CNNM2: variants seen among roughly 807,000 people sequenced by gnomAD.
CNNM2 encodes metal transporter CNNM2.
Under a neutral mutation model 66.9 loss-of-function variants are expected in CNNM2, and 12 were observed. The ratio of observed to expected loss-of-function variants is 0.18; its 90% CI spans 0.11 to 0.29. The LOEUF (loss-of-function observed/expected upper bound fraction) is 0.29, where lower values mean the gene tolerates loss of function less well. Among genes scored for constraint, CNNM2 ranks in the 10% least tolerant of loss-of-function variants. CNNM2 has a pLI of 1.00. For synonymous variants in CNNM2, 557 were observed against 501.8 expected, an observed-to-expected ratio of 1.11 and a Z score of -1.47; for missense variants, 705 against 1,167.7, an observed-to-expected ratio of 0.60 and a Z score of 5.77.
At position 103,061,118 on chromosome 10, in the gene CNNM2, C is replaced by T. The variant is rs573075693; in HGVS notation, c.2073+4154C>T. Among the ~76,000 whole-genome samples, 6 of 152,076 alleles carry T rather than the reference C, an allele frequency of 3.9e-5. No homozygotes were observed. In the South Asian group the frequency reaches 6.2e-4, roughly 16 times the overall value. On this transcript the variant is annotated intron_variant, in intron 4 of 7. Transcript: ENST00000369878. ...AATAAAGATTGTTATATAAACTGGC[C>T]GGGCGTGGTGGCTTGCACCTGTCCA...
intron 1 of CNNM2, among the ~76,000 whole-genome samples, chr10:103,008,778 C>A (rs868406213): frequency 0.018 from 1,913 of 105,576 alleles, no homozygotes; most frequent in South Asian, 0.029. Context: ...GACCCTGTCT[C>A]AAAAAAAAAA....
At chr10:103,044,448 CAGG>C (rs1317908359) in intron 1 of CNNM2, among the ~76,000 whole-genome samples, 1 of 151,816 alleles carries the variant, frequency 6.6e-6, no homozygotes, top group Non-Finnish European at 1.5e-5. Context: ...CCTAGCTGCT[CAGG>C]AGGCTGAGGT....
chr10:102,924,086 C>T (rs1180232333), intron 1 of CNNM2, among the ~76,000 whole-genome samples: 4 of 152,094 alleles, frequency 2.6e-5, no homozygotes, highest in African/African-American at 4.8e-5. Flanking sequence ...TAGTTACTTA[C>T]AAGTCTAAAT....
rs754002718 is a variant in CNNM2 at position 102,919,137 on chromosome 10, G to C, written c.657G>C (p.Gly219=). The change falls in exon 1 of 8, where the codon GGG becomes GGC. Residue 219 remains glycine (G), a synonymous_variant. Transcript: ENST00000369878. ...GGAVGGKGGS[G]VAGLPPPPWA... ...CCGTCGGGGGCAAGGGTGGCTCGGG[G>C]GTGGCCGGGCTCCCGCCGCCCCCGT... is the stretch of plus-strand genomic sequence containing the variant. 1.2e-6 allele frequency: 2 copies of C among 1,609,982 alleles called. No homozygotes were observed. The highest frequency in any genetic ancestry group is 1.3e-5 in the African/African-American group (1 of 75,032).
chr10:102,987,407 G>A (rs1357297632), intron 1 of CNNM2, among the ~76,000 whole-genome samples: 1 of 151,958 alleles, frequency 6.6e-6, no homozygotes, highest in African/African-American at 2.4e-5. Flanking sequence ...TGCAAGCTCC[G>A]CCTCCCAGGT....
At position 103,090,004 on chromosome 10, in the gene CNNM2, T is replaced by G; in HGVS notation, c.*12824T>G. 1.1e-6 allele frequency: 1 copy of G among 915,210 alleles called. No individual in the cohort carries two copies. Among genetic ancestry groups the G allele is most frequent in the Non-Finnish European group, 1.6e-6 (1 of 615,516 alleles). The allele number at this position is 915,210 out of a possible 1,614,324, so 56.7% of individuals were successfully genotyped here. On this transcript the variant is annotated 3_prime_UTR_variant, in exon 8 of 8. Coordinates refer to ENST00000369878, the MANE Select transcript of CNNM2 (RefSeq NM_017649.5). ...TCTCCTCTGTTAGGTGGCCATGCAA[T>G]TACATCTATAATGGACCACAGGACA...
chr10:103,087,208 T>TAACTA lies in CNNM2; in HGVS notation c.*10029_*10033dup, dbSNP rs1365782575. ...GTATACCTTTTAAGTTCAGCTTCCTTAACTACTGGCAACAGAGAGAAAACT... is the reference window on the plus strand; with the variant it reads ...GTATACCTTTTAAGTTCAGCTTCCTTAACTAAACTACTGGCAACAGAGAGAAAACT... On this transcript the variant is annotated 3_prime_UTR_variant, in exon 8 of 8. Coordinates refer to ENST00000369878, the MANE Select transcript of CNNM2 (RefSeq NM_017649.5). The TAACTA allele has an allele frequency of 4.3e-5, 2 of 46,410 alleles. No homozygotes were observed. The highest frequency in any genetic ancestry group is 8.3e-5 in the Non-Finnish European group (2 of 23,970). The allele number at this position is 46,410 out of a possible 1,614,324, so 2.9% of individuals were successfully genotyped here.
At chr10:103,055,684 T>C (rs187250890) in intron 3 of CNNM2, among the ~76,000 whole-genome samples, 7 of 152,374 alleles carry the variant, frequency 4.6e-5, no homozygotes, top group South Asian at 2.1e-4. Flanking sequence ...CACAAGTTAA[T>C]ACAGAACTTA....
At chr10:102,998,951 C>T (rs886066712) in intron 1 of CNNM2, among the ~76,000 whole-genome samples, 2 of 152,194 alleles carry the variant, frequency 1.3e-5, no homozygotes, top group African/African-American at 4.8e-5. Flanking sequence ...GTTGCCCAGG[C>T]TAGAGTGCAG....
chr10:102,974,526 T>C (rs1289358897), intron 1 of CNNM2, among the ~76,000 whole-genome samples: 2 of 151,854 alleles, frequency 1.3e-5, no homozygotes, highest in African/African-American at 4.8e-5. Flanking sequence ...TCAGATGCAT[T>C]ATTGAAAGAA....
At chr10:103,035,770 A>G (rs1236827718) in intron 1 of CNNM2, among the ~76,000 whole-genome samples, 1 of 152,150 alleles carries the variant, frequency 6.6e-6, no homozygotes, top group African/African-American at 2.4e-5. Flanking sequence ...CTGGAATCCT[A>G]ACTTAGGGGA....
At chr10:103,021,177 T>A (rs1185704404) in intron 1 of CNNM2, among the ~76,000 whole-genome samples, 1 of 152,054 alleles carries the variant, frequency 6.6e-6, no homozygotes, top group East Asian at 1.9e-4. Flanking sequence ...GCCCCCGTGA[T>A]TGTCCCAGCT....
intron 1 of CNNM2, among the ~76,000 whole-genome samples, chr10:103,006,368 A>G (rs1481294629): frequency 1.3e-5 from 2 of 151,780 alleles, no homozygotes; most frequent in East Asian, 3.9e-4. Context: ...TGCCACGCCC[A>G]GCTAATTTTT....
At chr10:103,037,656 AC>A (rs1357905066) in intron 1 of CNNM2, among the ~76,000 whole-genome samples, 1 of 152,214 alleles carries the variant, frequency 6.6e-6, no homozygotes, top group Non-Finnish European at 1.5e-5. Context: ...AAGTATAAGT[AC>A]AAAGGAAAAC....
intron 1 of CNNM2, among the ~76,000 whole-genome samples, chr10:102,993,099 A>G (rs1475928755): frequency 6.6e-6 from 1 of 152,192 alleles, no homozygotes; most frequent in Non-Finnish European, 1.5e-5. Context: ...TGGCTTATAG[A>G]ACTTGATACT....
chr10:103,063,558 G>T (rs1416971776), intron 4 of CNNM2, among the ~76,000 whole-genome samples: 1 of 152,228 alleles, frequency 6.6e-6, no homozygotes, highest in Admixed American at 6.5e-5. Flanking sequence ...GCCAGACATG[G>T]CACGGGCTGT....
intron 1 of CNNM2, among the ~76,000 whole-genome samples, chr10:102,953,742 G>A (rs1320874067): frequency 2.0e-5 from 3 of 151,634 alleles, no homozygotes; most frequent in Non-Finnish European, 4.4e-5. Flanking sequence ...TGTATTTCTG[G>A]TAGAGACTGG....
At chr10:103,071,331 A>G (rs1450254742) in intron 5 of CNNM2, among the ~76,000 whole-genome samples, 1 of 152,214 alleles carries the variant, frequency 6.6e-6, no homozygotes, top group African/African-American at 2.4e-5. Context: ...GTCAAAATTA[A>G]AATGAGCTAA....
chr10:103,051,425 C>T (rs563833617), intron 2 of CNNM2, among the ~76,000 whole-genome samples: 4 of 149,626 alleles, frequency 2.7e-5, no homozygotes, highest in African/African-American at 7.4e-5. Context: ...GCCAGACTCT[C>T]TCTCCAAAAA....
Sources: allele counts gnomAD v4.1 joint callset (sites outside exome capture counted in the v4.1 genomes callset), GRCh38; gene constraint gnomAD v4.1.1; transcripts MANE v1.5; gene names NCBI Gene and HGNC (gene_info 2026-07-23, HGNC 2026-07-21).